PTPRD: variants seen among roughly 807,000 people sequenced by gnomAD.
PTPRD encodes protein tyrosine phosphatase receptor type D.
Under a neutral mutation model 214.5 loss-of-function variants are expected in PTPRD, and 34 were observed. The observed-to-expected ratio is 0.16, with a 90% CI of 0.12 to 0.21. The LOEUF (loss-of-function observed/expected upper bound fraction) is 0.21. Among genes scored for constraint, PTPRD ranks in the 10% least tolerant of loss-of-function variants. PTPRD has a pLI of 1.00. For synonymous variants in PTPRD, 1,128 were observed against 845.7 expected, an observed-to-expected ratio of 1.33 and a Z score of -5.79; for missense variants, 2,545 against 2,398.7, an observed-to-expected ratio of 1.06 and a Z score of -1.27.
intron 11 of PTPRD, among the ~76,000 whole-genome samples, chr9:8,755,011 C>T (rs73421204): frequency 0.05 from 7,675 of 152,104 alleles, 479 homozygotes; most frequent in African/African-American, 0.15. Context: ...TGAGAAACCA[C>T]TCCACACTCA....
chr9:9,249,547 C>G (rs2099974573), intron 9 of PTPRD, among the ~76,000 whole-genome samples: 1 of 152,064 alleles, frequency 6.6e-6, no homozygotes, highest in Non-Finnish European at 1.5e-5. Flanking sequence ...GATTCTCTCT[C>G]CATTTTTGTC....
intron 3 of PTPRD, among the ~76,000 whole-genome samples, chr9:10,232,447 T>C (rs2099614828): frequency 6.6e-6 from 1 of 151,982 alleles, no homozygotes; most frequent in South Asian, 2.1e-4. Flanking sequence ...TTGAGATACC[T>C]AAGGAAAGTC....
intron 5 of PTPRD, among the ~76,000 whole-genome samples, chr9:9,873,743 A>G (rs1565922355): frequency 6.6e-6 from 1 of 152,198 alleles, no homozygotes; most frequent in African/African-American, 2.4e-5. Flanking sequence ...TTTTAATTAA[A>G]ATATTCTTTC....
intron 11 of PTPRD, among the ~76,000 whole-genome samples, chr9:8,953,598 C>G (rs962836152): frequency 6.6e-6 from 1 of 151,842 alleles, no homozygotes. Context: ...AACTATGCAT[C>G]TCTTCAAAGG....
At chr9:8,465,413 G>T in intron 32 of PTPRD, 53 bp downstream of exon 32, 1 of 1,511,064 alleles carries the variant, frequency 6.6e-7, no homozygotes, top group Non-Finnish European at 9.1e-7. Flanking sequence ...CCACATTCCA[G>T]TGAAAATGTA....
At chr9:10,218,717 G>T (rs1412455809) in intron 3 of PTPRD, among the ~76,000 whole-genome samples, 1 of 151,714 alleles carries the variant, frequency 6.6e-6, no homozygotes, top group East Asian at 1.9e-4. Flanking sequence ...CTGGTATAAA[G>T]TTCACCAAAT....
chr9:8,362,794 C>G (rs2078837164), intron 39 of PTPRD, among the ~76,000 whole-genome samples: 1 of 152,200 alleles, frequency 6.6e-6, no homozygotes, highest in Admixed American at 6.5e-5. Flanking sequence ...AGAGCTATAA[C>G]TTCAGTCAAG....
chr9:9,963,750 T>G (rs2094505101), intron 4 of PTPRD, among the ~76,000 whole-genome samples: 1 of 152,126 alleles, frequency 6.6e-6, no homozygotes, highest in East Asian at 1.9e-4. Context: ...TTAGAGGTGA[T>G]ATATGAAGAG....
Position 10,593,754 on chromosome 9 carries a change from G to A in PTPRD, c.-600+18644C>T, listed in dbSNP as rs2076034274. Among the ~76,000 whole-genome samples the A allele has an allele frequency of 2.0e-5, 3 of 151,864 alleles. No individual in the cohort carries two copies. The South Asian group carries it at 6.2e-4, about 31-fold the overall frequency. On this transcript the variant is annotated intron_variant, in intron 2 of 45. Coordinates refer to ENST00000381196, the MANE Select transcript of PTPRD (RefSeq NM_002839.4). ...TGTTAATGAATGATTTTAAAATGAA[G>A]GGAAAATCTTGAAGCAAAATATGTT...
chr9:10,508,086 C>G (rs866458544), intron 2 of PTPRD, among the ~76,000 whole-genome samples: 7 of 152,270 alleles, frequency 4.6e-5, no homozygotes, highest in Middle Eastern at 3.4e-3. Flanking sequence ...CTACAAAGAA[C>G]TCAAACAAAT....
intron 11 of PTPRD, among the ~76,000 whole-genome samples, chr9:8,989,825 G>A (rs569214505): frequency 1.3e-5 from 2 of 151,950 alleles, no homozygotes; most frequent in South Asian, 2.1e-4. Context: ...GCCAGAAACC[G>A]TGAAGCTTTG....
At chr9:9,952,456 A>G (rs985729925) in intron 4 of PTPRD, among the ~76,000 whole-genome samples, 1 of 152,184 alleles carries the variant, frequency 6.6e-6, no homozygotes, top group Non-Finnish European at 1.5e-5. Flanking sequence ...ATGTTGTTCA[A>G]TTACAAAACT....
chr9:8,633,053 GC>G (rs112504123), intron 14 of PTPRD, among the ~76,000 whole-genome samples: 21 of 151,996 alleles, frequency 1.4e-4, no homozygotes, highest in African/African-American at 5.1e-4. Flanking sequence ...TAGATGCTCT[GC>G]CAAAAATCAA....
intron 44 of PTPRD, among the ~76,000 whole-genome samples, chr9:8,325,466 C>G (rs1259514677): frequency 6.7e-6 from 1 of 149,002 alleles, no homozygotes; most frequent in African/African-American, 2.5e-5. Flanking sequence ...TGTTTTGGTA[C>G]CAGTACCATG....
At chr9:10,378,487 G>C (rs947779100) in intron 2 of PTPRD, among the ~76,000 whole-genome samples, 1 of 151,942 alleles carries the variant, frequency 6.6e-6, no homozygotes, top group African/African-American at 2.4e-5. Context: ...TTTCTGTATA[G>C]GGTGAGAGAT....
chr9:9,573,574 CTT>C (rs1393645308), intron 8 of PTPRD, among the ~76,000 whole-genome samples: 1 of 151,452 alleles, frequency 6.6e-6, no homozygotes, highest in African/African-American at 2.4e-5. Flanking sequence ...ACTTTTGTTT[CTT>C]ATTATAAATT....
At chr9:9,345,999 G>T (rs576918251) in intron 9 of PTPRD, among the ~76,000 whole-genome samples, 1 of 152,052 alleles carries the variant, frequency 6.6e-6, no homozygotes, top group Non-Finnish European at 1.5e-5. Context: ...GAAGATTTCA[G>T]GTGAAAGTAC....
At chr9:9,457,492 A>G (rs2093174964) in intron 8 of PTPRD, among the ~76,000 whole-genome samples, 2 of 152,126 alleles carry the variant, frequency 1.3e-5, no homozygotes, top group South Asian at 4.1e-4. Flanking sequence ...ATAAAATTAA[A>G]CACTCTGAAT....
At chr9:9,519,008 A>C (rs2096901826) in intron 8 of PTPRD, among the ~76,000 whole-genome samples, 1 of 152,040 alleles carries the variant, frequency 6.6e-6, no homozygotes. Context: ...TAAAGAATTG[A>C]AATAAAATAT....
Sources: allele counts gnomAD v4.1 joint callset (sites outside exome capture counted in the v4.1 genomes callset), GRCh38; gene constraint gnomAD v4.1.1; transcripts MANE v1.5; gene names NCBI Gene and HGNC (gene_info 2026-07-23, HGNC 2026-07-21).